USP34: variants seen among roughly 807,000 people sequenced by gnomAD.
USP34 encodes ubiquitin carboxyl-terminal hydrolase 34.
A neutral mutation model predicts 460.3 loss-of-function variants in USP34; 70 were observed. The observed-to-expected ratio is 0.15, with a 90% confidence interval of 0.13 to 0.19. The LOEUF (loss-of-function observed/expected upper bound fraction) is 0.19, where lower values mean the gene tolerates loss of function less well. Ranked by LOEUF, USP34 falls within the 10% of genes least tolerant of loss-of-function variation. The probability of loss-of-function intolerance (pLI) is 1.00; values close to 1 mark genes in which losing one functional copy is unlikely to be tolerated. For synonymous variants in USP34, 1,647 were observed against 1,405.3 expected (o/e 1.17, Z -3.85); for missense variants, 3,985 against 4,236.2 (o/e 0.94, Z 1.65).
At chr2:61,450,759 A>G (rs1695246893) in intron 1 of USP34, among the ~76,000 whole-genome samples, 1 of 152,106 alleles carries the variant, frequency 6.6e-6, no homozygotes, top group African/African-American at 2.4e-5. Flanking sequence ...AAAAGAAACA[A>G]AAATTATGTA....
At chr2:61,435,421 A>ATTAAC (rs1195114649) in intron 1 of USP34, among the ~76,000 whole-genome samples, 32 of 151,952 alleles carry the variant, frequency 2.1e-4, no homozygotes, top group African/African-American at 7.7e-4. Context: ...CCTTACAGGC[A>ATTAAC]AGGAGTGAAT....
At chr2:61,286,213 A>AT (rs2103967371) in intron 34 of USP34, among the ~76,000 whole-genome samples, 1 of 152,324 alleles carries the variant, frequency 6.6e-6, no homozygotes, top group South Asian at 2.1e-4. Context: ...TACCTACAGT[A>AT]TATCAACATT....
At chr2:61,398,024 T>C (rs1019450758) in intron 3 of USP34, among the ~76,000 whole-genome samples, 1 of 151,876 alleles carries the variant, frequency 6.6e-6, no homozygotes, top group African/African-American at 2.4e-5. Flanking sequence ...TGAGTCAAGA[T>C]TGTACCAATG....
Position 61,203,281 on chromosome 2 carries a change from TA to T in USP34, c.9385-19del. 1 of 1,501,426 alleles carries T rather than the reference TA, an allele frequency of 6.7e-7. No homozygotes were observed. Among genetic ancestry groups the T allele is most frequent in the South Asian group, 1.5e-5 (1 of 67,530 alleles). 93.0% of individuals were successfully genotyped at this position (1,501,426 alleles called of 1,614,324 possible). On this transcript the variant is annotated intron_variant, in intron 74 of 79. Coordinates refer to ENST00000398571, the MANE Select transcript of USP34 (RefSeq NM_014709.4). ...TCTTTGCCCTGAAGGTTAAAGATGA[TA>T]AAATGGTTGCACTTAAATTGTATAA... is the stretch of plus-strand genomic sequence containing the variant.
At chr2:61,194,154 T>TC (rs958969188) in intron 75 of USP34, 9 of 985,156 alleles carry the variant, frequency 9.1e-6, no homozygotes, top group African/African-American at 1.8e-5. Context: ...GGTCACTCAC[T>TC]CAGAACTTAC....
intron 7 of USP34, among the ~76,000 whole-genome samples, chr2:61,378,888 G>C (rs1692876863): frequency 8.9e-6 from 1 of 112,752 alleles, no homozygotes. Context: ...CTGGGCGACA[G>C]AGTGAGAGTC....
chr2:61,307,965 C>T (rs948824463), intron 27 of USP34, among the ~76,000 whole-genome samples: 1 of 152,074 alleles, frequency 6.6e-6, no homozygotes. Context: ...GGCAGGATCA[C>T]CTGAGAACGG....
intron 61 of USP34, 72 bp downstream of exon 61, chr2:61,228,573 C>T (rs1469352004): frequency 2.1e-6 from 3 of 1,408,370 alleles, no homozygotes; most frequent in African/African-American, 1.4e-5. Flanking sequence ...TCTAACATCT[C>T]AGGACTTCGC....
chr2:61,267,428 G>T (rs1007480849), intron 41 of USP34, among the ~76,000 whole-genome samples: 5 of 151,918 alleles, frequency 3.3e-5, no homozygotes, highest in African/African-American at 1.2e-4. Context: ...AGGAAATATG[G>T]AAAGTGGTTA....
intron 66 of USP34, 95 bp downstream of exon 66, chr2:61,221,407 T>C: frequency 8.9e-7 from 1 of 1,117,680 alleles, no homozygotes; most frequent in Non-Finnish European, 1.3e-6. Context: ...CATCTTGGGG[T>C]AATAAGAAAC....
intron 62 of USP34, among the ~76,000 whole-genome samples, chr2:61,224,456 A>G (rs912267519): frequency 6.6e-6 from 1 of 152,208 alleles, no homozygotes; most frequent in Non-Finnish European, 1.5e-5. Context: ...GTCTTTTTGT[A>G]AGGTTTTCTG....
intron 2 of USP34, among the ~76,000 whole-genome samples, chr2:61,411,762 C>T (rs1694046583): frequency 6.6e-6 from 1 of 152,208 alleles, no homozygotes; most frequent in East Asian, 1.9e-4. Flanking sequence ...TAGTGGCCAA[C>T]ATCTGAGATG....
chr2:61,398,302 G>C (rs1693599347), intron 3 of USP34, among the ~76,000 whole-genome samples: 1 of 151,960 alleles, frequency 6.6e-6, no homozygotes, highest in African/African-American at 2.4e-5. Context: ...GGGAGGTCTA[G>C]GCTGCAATGA....
At chr2:61,326,040 G>C (rs1691077414) in intron 20 of USP34, among the ~76,000 whole-genome samples, 2 of 152,290 alleles carry the variant, frequency 1.3e-5, no homozygotes, top group South Asian at 2.1e-4. Flanking sequence ...TAGTGAGGTA[G>C]GGTAGGAGAT....
At chr2:61,452,784 C>T (rs1424512739) in intron 1 of USP34, among the ~76,000 whole-genome samples, 11 of 151,512 alleles carry the variant, frequency 7.3e-5, no homozygotes, top group Admixed American at 5.9e-4. Context: ...AGTCAGGAGG[C>T]TGACATAAGA....
At position 61,265,391 on chromosome 2, in the gene USP34, T is replaced by C. The variant is rs765070775; in HGVS notation, c.5778+6A>G. The C allele has an allele frequency of 1.9e-6, 3 of 1,596,908 alleles. No homozygotes were observed. Among genetic ancestry groups the C allele is most frequent in the Non-Finnish European group, 2.6e-6 (3 of 1,174,900 alleles). On this transcript the variant is annotated splice_donor_region_variant and intron_variant, in intron 43 of 79. Transcript: ENST00000398571. ...ATTTTGATTTTTAAAGTGAGGAAAA[T>C]TCTACCTTGGCAGTGAAGACAGCCT... is the stretch of plus-strand genomic sequence containing the variant.
intron 1 of USP34, among the ~76,000 whole-genome samples, chr2:61,460,707 G>A (rs1364899303): frequency 2.0e-5 from 3 of 152,072 alleles, no homozygotes; most frequent in Non-Finnish European, 4.4e-5. Flanking sequence ...GTAGAAGGCC[G>A]GGTGTGGCAG....
chr2:61,309,549 G>A (rs1337514201), intron 27 of USP34, among the ~76,000 whole-genome samples: 1 of 152,152 alleles, frequency 6.6e-6, no homozygotes, highest in African/African-American at 2.4e-5. Context: ...TGTTACAAAA[G>A]AATGGACGAC....
intron 57 of USP34, 142 bp from the exon 58 acceptor site, chr2:61,232,674 A>G: frequency 1.4e-6 from 1 of 691,796 alleles, no homozygotes. Context: ...ATTGTCATAA[A>G]AGTCAAACTC....
Sources: allele counts gnomAD v4.1 joint callset (sites outside exome capture counted in the v4.1 genomes callset), GRCh38; gene constraint gnomAD v4.1.1; transcripts MANE v1.5; gene names NCBI Gene and HGNC (gene_info 2026-07-23, HGNC 2026-07-21).